Variants in TTC13 observed in about 807,000 individuals in gnomAD.
The protein encoded by TTC13 is tetratricopeptide repeat protein 13.
A neutral mutation model predicts 120.0 loss-of-function variants in TTC13; 62 were observed. The observed-to-expected ratio is 0.52, with a 90% CI of 0.42 to 0.64. The LOEUF is 0.64. Among genes scored for constraint, TTC13 ranks in the 30% least tolerant of loss-of-function variants. The pLI is 0.00. For synonymous variants in TTC13, 384 were observed against 393.5 expected (o/e 0.98, Z 0.28); for missense variants, 824 against 1,050.2 (o/e 0.78, Z 2.98).
At chr1:230,914,163 G>A (rs531952261) in intron 18 of TTC13, among the ~76,000 whole-genome samples, 22 of 152,184 alleles carry the variant, frequency 1.4e-4, no homozygotes, top group African/African-American at 5.3e-4. Context: ...AAGATGTCAC[G>A]TTTCAAGGGG....
intron 1 of TTC13, among the ~76,000 whole-genome samples, chr1:230,970,766 A>G (rs1185894139): frequency 6.6e-6 from 1 of 152,224 alleles, no homozygotes; most frequent in East Asian, 1.9e-4. Context: ...CCAATTTATA[A>G]GGAAATCAAC....
Position 230,907,012 on chromosome 1 carries a change from G to C in TTC13, c.2476C>G (p.Pro826Ala). 1 of 1,488,994 alleles carries C rather than the reference G, an allele frequency of 6.7e-7. No individual in the cohort carries two copies. 92.2% of individuals were successfully genotyped at this position (1,488,994 alleles called of 1,614,324 possible). A position where few individuals can be genotyped will look rare whatever the true frequency, so the allele number is the denominator to read the frequency against. Residue 826 changes from proline to alanine, a missense_variant, in exon 23 of 23, where the codon CCT becomes GCT. Around this residue, in one of 4 missense-constraint regions of TTC13, gnomAD observed 226 missense variants for 259.1 expected, o/e 0.87. Coordinates refer to ENST00000366661, the MANE Select transcript of TTC13 (RefSeq NM_024525.5). ...KSWMNLKSIS[P>A]SYKTLPSVSE... ...ACTGATGGAAGAGTCTTATAAGAAG[G>C]TGAAATACTGAAAAAGAAAAACACA... is the stretch of plus-strand genomic sequence containing the variant.
At chr1:230,976,325 T>TA (rs2103021148) in intron 1 of TTC13, among the ~76,000 whole-genome samples, 1 of 152,322 alleles carries the variant, frequency 6.6e-6, no homozygotes, top group South Asian at 2.1e-4. Context: ...CGGTTAGTTG[T>TA]AAATCCCGAA....
At chr1:230,932,469 G>A (rs61826337) in intron 9 of TTC13, among the ~76,000 whole-genome samples, 8,848 of 152,094 alleles carry the variant, frequency 0.058, 348 homozygotes, top group Non-Finnish European at 0.088. Context: ...TTTAGAAACC[G>A]GGTCTCACTG....
At position 230,956,167 on chromosome 1, in the gene TTC13, T is replaced by C. The variant is rs368523541; in HGVS notation, c.443-1764A>G. Reference sequence around the variant, plus strand: ...GGTTAAACTAGCTGTCCAAGGACCATAAGCAGTGAGTGAGAGGAAGGCAGC... The same window carrying C: ...GGTTAAACTAGCTGTCCAAGGACCACAAGCAGTGAGTGAGAGGAAGGCAGC... On this transcript the variant is annotated intron_variant, in intron 3 of 22. Coordinates refer to ENST00000366661, the MANE Select transcript of TTC13 (RefSeq NM_024525.5). Among the ~76,000 whole-genome samples the C allele has an allele frequency of 1.1e-4, 16 of 152,360 alleles. No homozygotes were observed. In the East Asian group the frequency reaches 2.5e-3, roughly 24 times the overall value.
At chr1:230,936,897 C>T (rs1302426370) in intron 8 of TTC13, among the ~76,000 whole-genome samples, 1 of 152,202 alleles carries the variant, frequency 6.6e-6, no homozygotes, top group East Asian at 1.9e-4. Context: ...GTAACAGGGA[C>T]ACCCTCCACT....
intron 1 of TTC13, among the ~76,000 whole-genome samples, chr1:230,976,412 C>A (rs1407555930): frequency 6.6e-6 from 1 of 152,092 alleles, no homozygotes; most frequent in Admixed American, 6.5e-5. Flanking sequence ...TTGTCCAGGG[C>A]GAAGAGGGAG....
chr1:230,930,010 T>A (rs1333312446), intron 11 of TTC13, among the ~76,000 whole-genome samples: 2 of 152,248 alleles, frequency 1.3e-5, no homozygotes, highest in Non-Finnish European at 2.9e-5. Flanking sequence ...TAATTTGAAT[T>A]AATTTAAACT....
intron 1 of TTC13, among the ~76,000 whole-genome samples, chr1:230,965,769 C>T (rs902992679): frequency 1.3e-5 from 2 of 152,160 alleles, no homozygotes; most frequent in Non-Finnish European, 2.9e-5. Flanking sequence ...CCTCAGCATC[C>T]CTAGTAGCTG....
chr1:230,963,897 C>T (rs988439980), intron 1 of TTC13, among the ~76,000 whole-genome samples: 5 of 152,064 alleles, frequency 3.3e-5, no homozygotes, highest in Admixed American at 6.5e-5. Context: ...TGAACCCCAA[C>T]GAAAGGCTTT....
intron 1 of TTC13, among the ~76,000 whole-genome samples, chr1:230,966,728 C>T (rs958131917): frequency 5.9e-5 from 9 of 152,274 alleles, no homozygotes; most frequent in Non-Finnish European, 8.8e-5. Flanking sequence ...GTCAGTTTCC[C>T]GAGGACGTGA....
At chr1:230,925,735 C>G in intron 12 of TTC13, 88 bp from the exon 13 acceptor site, 3 of 1,461,066 alleles carry the variant, frequency 2.1e-6, no homozygotes, top group South Asian at 1.2e-5. Context: ...ACTTCCTCCA[C>G]GGGAAAACTA....
intron 17 of TTC13, among the ~76,000 whole-genome samples, chr1:230,919,708 G>C (rs890834811): frequency 6.6e-6 from 1 of 152,020 alleles, no homozygotes; most frequent in African/African-American, 2.4e-5. Flanking sequence ...CTAGGTTGTG[G>C]GCCTTACTGT....
Position 230,933,847 on chromosome 1 carries a change from G to A in TTC13, c.915C>T (p.Ser305=), listed in dbSNP as rs750392096. Residue 305 remains serine, a synonymous_variant, in exon 9 of 23, where the codon TCC becomes TCT. Transcript: ENST00000366661. ...HRGLLKEAIE[S]FKEALKQKVD... is the part of the protein sequence containing the mutation. ...CTTTCTGCTTCAAAGCTTCTTTGAA[G>A]GATTCAATAGCTTCCTATAAAAAGT... The A allele has an allele frequency of 6.3e-6, 10 of 1,599,834 alleles. No homozygotes were observed. Among genetic ancestry groups the A allele is most frequent in the East Asian group, 2.2e-5 (1 of 44,544 alleles).
In TTC13 at chr1:230,978,796, A is replaced by AAAC; in HGVS notation, c.34_35insGTT (p.Cys11dup). On this transcript the variant is annotated inframe_insertion, in exon 1 of 23. Coordinates refer to ENST00000366661, the MANE Select transcript of TTC13 (RefSeq NM_024525.5). This position sits in a 1 kb window ranked among gnomAD's most constrained non-coding sequence, Gnocchi z 5.6. ...CGCGGCGGCCACAGCGCCGCCCCAGAAGCAGCAGCAGCAGCAGCAGCCGGC... is the reference window on the plus strand; with the variant it reads ...CGCGGCGGCCACAGCGCCGCCCCAGAAACAGCAGCAGCAGCAGCAGCAGCCGGC... 6.7e-7 allele frequency: 1 copy of AAAC among 1,495,984 alleles called. No homozygotes were observed. Among genetic ancestry groups the AAAC allele is most frequent in the South Asian group, 1.2e-5 (1 of 80,150 alleles). 92.7% of individuals were successfully genotyped at this position (1,495,984 alleles called of 1,614,324 possible).
In TTC13 at chr1:230,944,499, A is replaced by G. The variant is rs983990806; in HGVS notation, c.580-601T>C. On this transcript the variant is annotated intron_variant, in intron 5 of 22. Coordinates refer to ENST00000366661, the MANE Select transcript of TTC13 (RefSeq NM_024525.5). The surrounding 1 kb of genome is among the most constrained non-coding windows in gnomAD (Gnocchi z 4.0). Reference sequence around the variant, plus strand: ...GCAACTTCAACCTGGTCATTCATTGATGCTCTGAGTAAAATATCATTTCCT... The same window carrying G: ...GCAACTTCAACCTGGTCATTCATTGGTGCTCTGAGTAAAATATCATTTCCT... 3.9e-5 allele frequency among the ~76,000 whole-genome samples: 6 copies of G among 152,172 alleles called. No individual in the cohort carries two copies. Among genetic ancestry groups the G allele is most frequent in the East Asian group, 1.9e-4 (1 of 5,202 alleles).
intron 2 of TTC13, among the ~76,000 whole-genome samples, chr1:230,958,659 A>G (rs954106352): frequency 5.9e-5 from 9 of 152,220 alleles, no homozygotes; most frequent in African/African-American, 2.2e-4. Flanking sequence ...ATGTTTACAG[A>G]CAAGTTCACA....
chr1:230,961,337 C>T (rs1253480199), intron 1 of TTC13, 34 bp from the exon 2 acceptor site: 3 of 1,485,134 alleles, frequency 2.0e-6, no homozygotes, highest in East Asian at 4.5e-5. Flanking sequence ...ATTCTCTACA[C>T]CTTAATTTAT....
rs959527450 is a variant in TTC13, at chr1:230,978,819, G to C, written c.12C>G (p.Ala4=). Residue 4 remains alanine (A), a synonymous_variant, in exon 1 of 23, where the codon GCC becomes GCG. Transcript: ENST00000366661. This position sits in a 1 kb window ranked among gnomAD's most constrained non-coding sequence, Gnocchi z 5.6. ...AGAAGCAGCAGCAGCAGCAGCAGCC[G>C]GCAGGTGCCATCTTCCCTCAAGGCG... MAP[A]GCCCCCCFWG... 48 of 1,482,568 alleles carry C rather than the reference G, an allele frequency of 3.2e-5. No individual in the cohort carries two copies. Among genetic ancestry groups the C allele is most frequent in the Non-Finnish European group, 3.6e-5 (41 of 1,126,954 alleles). The allele number at this position is 1,482,568 out of a possible 1,614,324, so 91.8% of individuals were successfully genotyped here. A position where few individuals can be genotyped will look rare whatever the true frequency, so the allele number is the denominator to read the frequency against.
Sources: gnomAD v4.1 joint callset for allele counts (sites outside exome capture counted in the v4.1 genomes callset) on GRCh38, gnomAD v4.1.1 for gene constraint, gnomAD v4.1.1 regional missense constraint, Gnocchi (gnomAD v3.1) non-coding constraint, MANE v1.5 for transcripts, NCBI Gene and HGNC (gene_info 2026-07-23, HGNC 2026-07-21) for gene names.